Variants in CDK14 observed in about 807,000 individuals in gnomAD.
CDK14 encodes the protein cyclin dependent kinase 14.
In CDK14, 34 loss-of-function variants were observed where a neutral mutation model predicts 60.7. That is an observed-to-expected ratio of 0.56 (90% CI 0.43 to 0.75). CDK14 has a LOEUF of 0.75. Among genes scored for constraint, CDK14 ranks in the 30% least tolerant of loss-of-function variants. The probability of loss-of-function intolerance (pLI) is 0.00; values close to 1 mark genes in which losing one functional copy is unlikely to be tolerated. For synonymous variants in CDK14, 197 were observed against 203.7 expected, an observed-to-expected ratio of 0.97 and a Z score of 0.28; for missense variants, 482 against 564.1, an observed-to-expected ratio of 0.85 and a Z score of 1.47.
At chr7:90,901,403 G>A (rs887196304) in intron 7 of CDK14, among the ~76,000 whole-genome samples, 1 of 152,030 alleles carries the variant, frequency 6.6e-6, no homozygotes, top group Non-Finnish European at 1.5e-5. Context: ...CATGGTCACC[G>A]ATAGATGACT....
chr7:90,879,723 C>T (rs11977780), intron 6 of CDK14, among the ~76,000 whole-genome samples: 4,585 of 151,666 alleles, frequency 0.03, 225 homozygotes, highest in African/African-American at 0.1. Context: ...TGCACATGTA[C>T]CCTAGAACTT....
At chr7:90,614,123 C>T (rs913322382) in intron 2 of CDK14, among the ~76,000 whole-genome samples, 1 of 151,668 alleles carries the variant, frequency 6.6e-6, no homozygotes, top group Non-Finnish European at 1.5e-5. Flanking sequence ...TCTCCTGCCT[C>T]AGCCTCCCAA....
intron 9 of CDK14, among the ~76,000 whole-genome samples, chr7:90,978,289 G>A (rs76829651): frequency 6.6e-6 from 1 of 152,006 alleles, no homozygotes; most frequent in African/African-American, 2.4e-5. Flanking sequence ...TCACTGCCTC[G>A]AGCCTCTACT....
rs983955869 is a variant in CDK14 at position 90,983,787 on chromosome 7, T to A, written c.948-361T>A. 2.6e-5 allele frequency among the ~76,000 whole-genome samples: 4 copies of A among 152,114 alleles called. No homozygotes were observed. In the East Asian group the frequency reaches 7.7e-4, roughly 29 times the overall value. ...CAGGAACAGGAAACCAAATACTGCA[T>A]GTTGTCATTCATAAGTGGGAGCTAA... On this transcript the variant is annotated intron_variant, in intron 9 of 14. Transcript: ENST00000380050.
chr7:91,133,667 CCTTA>C (rs1408491039), intron 14 of CDK14, among the ~76,000 whole-genome samples: 5 of 152,002 alleles, frequency 3.3e-5, no homozygotes, highest in Non-Finnish European at 7.4e-5. Context: ...ACTGCTGTGT[CCTTA>C]CTTTAACAGA....
rs1032225640 is a variant in CDK14, at chr7:90,950,791, C to G, written c.827-4906C>G. ...GCTAGCTATATGTGTTTGGGATCATCAGTATATATAGATAGTAACTTAAGC... is the reference window on the plus strand; with the variant it reads ...GCTAGCTATATGTGTTTGGGATCATGAGTATATATAGATAGTAACTTAAGC... On this transcript the variant is annotated intron_variant, in intron 8 of 14. Coordinates refer to ENST00000380050, the MANE Select transcript of CDK14 (RefSeq NM_001287135.2). Among the ~76,000 whole-genome samples the G allele has an allele frequency of 6.6e-4, 100 of 152,128 alleles. 1 individual carries two copies. Among genetic ancestry groups the G allele is most frequent in the African/African-American group, 2.4e-3 (98 of 41,416 alleles).
intron 14 of CDK14, among the ~76,000 whole-genome samples, chr7:91,118,948 C>T (rs1339650596): frequency 1.3e-5 from 2 of 152,084 alleles, no homozygotes; most frequent in African/African-American, 2.4e-5. Flanking sequence ...AGTGACCAGC[C>T]TGGGATGGCA....
intron 2 of CDK14, among the ~76,000 whole-genome samples, chr7:90,672,995 T>C (rs978470744): frequency 6.6e-6 from 1 of 152,196 alleles, no homozygotes; most frequent in Non-Finnish European, 1.5e-5. Flanking sequence ...ATAATTTAAA[T>C]GCTGGTTGAT....
chr7:90,776,804 G>A (rs17163176), intron 4 of CDK14, among the ~76,000 whole-genome samples: 2 of 152,036 alleles, frequency 1.3e-5, no homozygotes, highest in Non-Finnish European at 2.9e-5. Context: ...ATCACTGTCC[G>A]TGATCTTTGA....
intron 11 of CDK14, among the ~76,000 whole-genome samples, chr7:91,058,887 C>G (rs929436372): frequency 6.6e-6 from 1 of 152,018 alleles, no homozygotes; most frequent in South Asian, 2.1e-4. Context: ...TGTCTCTGCC[C>G]GGCTTTGGTA....
intron 5 of CDK14, among the ~76,000 whole-genome samples, chr7:90,838,567 C>G (rs545213038): frequency 5.9e-5 from 9 of 152,060 alleles, no homozygotes; most frequent in Non-Finnish European, 1.3e-4. Flanking sequence ...ATTATTTTCC[C>G]AGCAAGGAAT....
At chr7:90,660,082 T>C (rs1276453097) in intron 2 of CDK14, among the ~76,000 whole-genome samples, 1 of 152,160 alleles carries the variant, frequency 6.6e-6, no homozygotes, top group East Asian at 1.9e-4. Flanking sequence ...TTTGACCTAT[T>C]TTGGAGAAGA....
chr7:90,752,981 C>T (rs988721839), intron 4 of CDK14, among the ~76,000 whole-genome samples: 1 of 151,984 alleles, frequency 6.6e-6, no homozygotes, highest in African/African-American at 2.4e-5. Context: ...TATCAAGTTC[C>T]ACAATTGAAT....
intron 11 of CDK14, among the ~76,000 whole-genome samples, chr7:91,060,044 G>C (rs57942151): frequency 0.025 from 3,751 of 152,098 alleles, 137 homozygotes; most frequent in African/African-American, 0.084. Context: ...GAGTCTAAGT[G>C]TCTTTGTAGG....
At chr7:91,076,242 CAAAAAAAAAAAAAAAAAAAAA>C (rs564729987) in intron 11 of CDK14, among the ~76,000 whole-genome samples, 5 of 28,800 alleles carry the variant, frequency 1.7e-4, no homozygotes, top group African/African-American at 2.9e-4. Context: ...CTACAGTAAC[CAAAAAAAAAAAAAAAAAAAAA>C]AAAAAAAAAA....
chr7:90,659,320 TC>T (rs1800813725), intron 2 of CDK14, among the ~76,000 whole-genome samples: 1 of 152,268 alleles, frequency 6.6e-6, no homozygotes, highest in Non-Finnish European at 1.5e-5. Context: ...AAGACAATAA[TC>T]CCTGTAAGTT....
intron 3 of CDK14, among the ~76,000 whole-genome samples, chr7:90,730,875 A>G (rs1006024053): frequency 8.5e-5 from 13 of 152,078 alleles, no homozygotes; most frequent in African/African-American, 3.1e-4. Flanking sequence ...CCATTTGTCA[A>G]TTTTGGCTTT....
intron 1 of CDK14, among the ~76,000 whole-genome samples, chr7:90,603,382 A>G (rs967198401): frequency 2.2e-4 from 34 of 152,166 alleles, no homozygotes; most frequent in Admixed American, 3.3e-4. Context: ...TTCTATGTTT[A>G]GATACACAAA....
At chr7:90,821,165 C>G (rs1228029422) in intron 5 of CDK14, among the ~76,000 whole-genome samples, 1 of 152,172 alleles carries the variant, frequency 6.6e-6, no homozygotes, top group African/African-American at 2.4e-5. Flanking sequence ...TCTTTCATCA[C>G]AGTCTCTTAG....
Sources: allele counts gnomAD v4.1 joint callset (sites outside exome capture counted in the v4.1 genomes callset), GRCh38; gene constraint gnomAD v4.1.1; transcripts MANE v1.5; gene names NCBI Gene and HGNC (gene_info 2026-07-23, HGNC 2026-07-21).